GRID2: variants seen among roughly 807,000 people sequenced by gnomAD.
GRID2 encodes the protein glutamate ionotropic receptor delta type subunit 2, also known as glutamate receptor ionotropic, delta-2.
GRID2 carries 33 observed loss-of-function variants against 114.8 expected under a neutral mutation model. That is an observed-to-expected ratio of 0.29 (90% CI 0.22 to 0.38). The LOEUF is 0.38. GRID2 is among the 10% of genes least tolerant of loss of function. The pLI, the probability that GRID2 is intolerant of heterozygous loss-of-function variation, is 1.00. For missense variants in GRID2, 1,184 were observed against 1,257.7 expected, an observed-to-expected ratio of 0.94 and a Z score of 0.89; for synonymous variants, 505 against 449.9, an observed-to-expected ratio of 1.12 and a Z score of -1.55.
intron 8 of GRID2, among the ~76,000 whole-genome samples, chr4:93,328,711 A>T (rs868665997): frequency 8.1e-6 from 1 of 123,618 alleles, no homozygotes; most frequent in Non-Finnish European, 1.9e-5. Context: ...GGATGGTTGG[A>T]TGGATGGATG....
intron 1 of GRID2, among the ~76,000 whole-genome samples, chr4:92,310,664 A>C (rs570364099): frequency 2.6e-5 from 4 of 152,190 alleles, no homozygotes; most frequent in Admixed American, 2.6e-4. Flanking sequence ...CAATTTATAA[A>C]TAGCTAATTG....
chr4:92,516,319 C>T (rs569220111), intron 1 of GRID2, among the ~76,000 whole-genome samples: 1 of 151,932 alleles, frequency 6.6e-6, no homozygotes, highest in Admixed American at 6.6e-5. Flanking sequence ...TCTTTGAATT[C>T]TAGGAGTAAC....
intron 2 of GRID2, among the ~76,000 whole-genome samples, chr4:93,067,122 A>C (rs537637770): frequency 6.6e-6 from 1 of 152,164 alleles, no homozygotes; most frequent in African/African-American, 2.4e-5. Flanking sequence ...ATTGTAAATA[A>C]GGGATGATTA....
At chr4:92,592,450 T>C (rs1383531790) in intron 2 of GRID2, among the ~76,000 whole-genome samples, 1 of 152,074 alleles carries the variant, frequency 6.6e-6, no homozygotes, top group South Asian at 2.1e-4. Flanking sequence ...TGAAAAGTAA[T>C]GACAGTTTTT....
Position 92,574,413 on chromosome 4 carries a change from A to T in GRID2, c.89-15718A>T, listed in dbSNP as rs199911943. On this transcript the variant is annotated intron_variant, in intron 1 of 15. Transcript: ENST00000282020. ...TAGTGTTACTGGTCTGTACTTTAGTATTTTTTTTTTTTTTTTTTTGTGGCT... is the reference window on the plus strand; with the variant it reads ...TAGTGTTACTGGTCTGTACTTTAGTTTTTTTTTTTTTTTTTTTTTGTGGCT... Among the ~76,000 whole-genome samples the T allele has an allele frequency of 2.9e-3, 329 of 112,296 alleles. 4 individuals carry two copies. Among genetic ancestry groups the T allele is most frequent in the Middle Eastern group, 0.02 (4 of 204 alleles). 73.7% of individuals were successfully genotyped at this position (112,296 alleles called of 152,430 possible).
chr4:93,535,499 T>A (rs572390040), intron 13 of GRID2, among the ~76,000 whole-genome samples: 1 of 152,144 alleles, frequency 6.6e-6, no homozygotes, highest in East Asian at 1.9e-4. Context: ...GCTGTAAAAA[T>A]TGACATTCCC....
At chr4:92,652,560 T>C (rs1731995186) in intron 2 of GRID2, among the ~76,000 whole-genome samples, 1 of 151,440 alleles carries the variant, frequency 6.6e-6, no homozygotes, top group Admixed American at 6.6e-5. Flanking sequence ...CACATGCCTG[T>C]AGTCTCAGCT....
chr4:92,835,717 C>T lies in GRID2; in HGVS notation c.244+245431C>T, dbSNP rs187324528. On this transcript the variant is annotated intron_variant, in intron 2 of 15. Coordinates refer to ENST00000282020, the MANE Select transcript of GRID2 (RefSeq NM_001510.4). ...ATTAGATAAAAGCCTGTGACAATTT[C>T]CTTCCCTACATTTCCTAAAATTTAC... Among the ~76,000 whole-genome samples, 234 of 152,262 alleles carry T rather than the reference C, an allele frequency of 1.5e-3. 3 individuals carry two copies. The highest frequency in any genetic ancestry group is 4.0e-3 in the African/African-American group (167 of 41,556).
At chr4:93,087,572 C>T (rs1449692151) in intron 3 of GRID2, among the ~76,000 whole-genome samples, 1 of 151,922 alleles carries the variant, frequency 6.6e-6, no homozygotes, top group Non-Finnish European at 1.5e-5. Context: ...TTATTCTTTT[C>T]TCCTGAGTTT....
intron 2 of GRID2, among the ~76,000 whole-genome samples, chr4:92,804,223 C>A (rs1740304629): frequency 6.6e-6 from 1 of 151,872 alleles, no homozygotes; most frequent in South Asian, 2.1e-4. Context: ...TTTTAGTAGA[C>A]AAATAATCTT....
At chr4:92,793,286 G>A (rs1289009032) in intron 2 of GRID2, among the ~76,000 whole-genome samples, 2 of 151,702 alleles carry the variant, frequency 1.3e-5, no homozygotes, top group Non-Finnish European at 2.9e-5. Context: ...TTATGCCAAA[G>A]GAAGTCTCCC....
intron 2 of GRID2, among the ~76,000 whole-genome samples, chr4:92,773,846 T>C (rs1738653494): frequency 6.6e-6 from 1 of 152,082 alleles, no homozygotes; most frequent in Non-Finnish European, 1.5e-5. Context: ...AATCCACAAA[T>C]GCTGCTAAAG....
At chr4:92,907,423 T>C (rs756482550) in intron 2 of GRID2, among the ~76,000 whole-genome samples, 2 of 152,130 alleles carry the variant, frequency 1.3e-5, no homozygotes, top group Non-Finnish European at 2.9e-5. Flanking sequence ...TTTTAAATTT[T>C]TTTTTGAGAC....
At chr4:92,399,161 C>T (rs1730654788) in intron 1 of GRID2, among the ~76,000 whole-genome samples, 1 of 152,166 alleles carries the variant, frequency 6.6e-6, no homozygotes, top group Non-Finnish European at 1.5e-5. Flanking sequence ...TCATTGAGAA[C>T]TCTGTGAATG....
chr4:92,757,090 T>A (rs918417095), intron 2 of GRID2, among the ~76,000 whole-genome samples: 1 of 152,122 alleles, frequency 6.6e-6, no homozygotes, highest in Non-Finnish European at 1.5e-5. Flanking sequence ...TCAGGTCTTA[T>A]GTTTATGTTT....
chr4:93,072,036 G>T (rs1728853885), intron 2 of GRID2, among the ~76,000 whole-genome samples: 1 of 152,026 alleles, frequency 6.6e-6, no homozygotes, highest in South Asian at 2.1e-4. Context: ...CCAGAAGACT[G>T]ACACATAAAG....
At chr4:93,271,780 G>A (rs1385731080) in intron 8 of GRID2, among the ~76,000 whole-genome samples, 3 of 151,854 alleles carry the variant, frequency 2.0e-5, no homozygotes, top group African/African-American at 7.3e-5. Flanking sequence ...TATTTTTATT[G>A]TACTTTATGA....
chr4:93,781,238 A>C (rs140440665), intron 1 of GRID2, among the ~76,000 whole-genome samples: 297 of 152,262 alleles, frequency 2.0e-3, no homozygotes, highest in African/African-American at 6.9e-3. Context: ...AGTGATGGGG[A>C]ACTGAGGGAT....
chr4:93,722,139 C>G (rs886552365), intron 14 of GRID2, among the ~76,000 whole-genome samples: 37 of 151,986 alleles, frequency 2.4e-4, no homozygotes, highest in African/African-American at 8.9e-4. Context: ...AGGCTGGTTT[C>G]AAACTCCTGA....
Sources: gnomAD v4.1 joint callset for allele counts (sites outside exome capture counted in the v4.1 genomes callset) on GRCh38, gnomAD v4.1.1 for gene constraint, MANE v1.5 for transcripts, NCBI Gene and HGNC (gene_info 2026-07-23, HGNC 2026-07-21) for gene names.